CYB5R4: variants seen among roughly 807,000 people sequenced by gnomAD.
CYB5R4 encodes the protein N-terminal cytochrome b5 and cytochrome b5 oxidoreductase domain-containing protein.
Under a neutral mutation model 70.2 loss-of-function variants are expected in CYB5R4, and 55 were observed. The ratio of observed to expected loss-of-function variants is 0.78; its 90% confidence interval spans 0.63 to 0.98. The LOEUF (loss-of-function observed/expected upper bound fraction) is 0.98, where lower values mean the gene tolerates loss of function less well. Among genes scored for constraint, CYB5R4 ranks in the 50% least tolerant of loss-of-function variants. CYB5R4 has a pLI of 0.00. For synonymous variants in CYB5R4, 197 were observed against 199.5 expected, an observed-to-expected ratio of 0.99 and a Z score of 0.11; for missense variants, 562 against 612.6, an observed-to-expected ratio of 0.92 and a Z score of 0.87.
intron 2 of CYB5R4, among the ~76,000 whole-genome samples, chr6:83,889,927 G>A (rs1191341651): frequency 2.0e-5 from 3 of 152,100 alleles, no homozygotes; most frequent in Non-Finnish European, 2.9e-5. Flanking sequence ...CATGAAGACA[G>A]CACCAAGCCA....
chr6:83,954,897 T>C (rs2099472093), intron 14 of CYB5R4, among the ~76,000 whole-genome samples: 1 of 148,752 alleles, frequency 6.7e-6, no homozygotes, highest in South Asian at 2.2e-4. Flanking sequence ...CAGTTTTTTT[T>C]GTTGTTGTTG....
intron 10 of CYB5R4, among the ~76,000 whole-genome samples, chr6:83,926,955 G>C (rs924535820): frequency 2.6e-5 from 4 of 152,128 alleles, no homozygotes; most frequent in Non-Finnish European, 5.9e-5. Context: ...TTGGTTCTTG[G>C]CTTTCTACAC....
chr6:83,860,379 C>T (rs2129126605), intron 1 of CYB5R4, among the ~76,000 whole-genome samples: 1 of 152,206 alleles, frequency 6.6e-6, no homozygotes, highest in Non-Finnish European at 1.5e-5. Flanking sequence ...CCAAGACATA[C>T]TGCCTTTCTT....
At chr6:83,879,934 T>C (rs1268713826) in intron 2 of CYB5R4, among the ~76,000 whole-genome samples, 1 of 152,142 alleles carries the variant, frequency 6.6e-6, no homozygotes, top group Non-Finnish European at 1.5e-5. Context: ...GTGGTTCATC[T>C]CCTCAGAGGG....
chr6:83,902,355 C>A (rs963752482), intron 3 of CYB5R4, among the ~76,000 whole-genome samples: 2 of 152,004 alleles, frequency 1.3e-5, no homozygotes, highest in African/African-American at 4.8e-5. Context: ...TTTCTGGGTT[C>A]TCTGCTCTGT....
intron 1 of CYB5R4, 126 bp downstream of exon 1, chr6:83,859,983 GC>G (rs1371192311): frequency 1.2e-6 from 1 of 860,846 alleles, no homozygotes; most frequent in Non-Finnish European, 1.8e-6. Context: ...TGCTGTCCTT[GC>G]CTGCAACCTC....
intron 3 of CYB5R4, among the ~76,000 whole-genome samples, chr6:83,899,389 G>A (rs538940344): frequency 1.3e-5 from 2 of 152,210 alleles, no homozygotes; most frequent in African/African-American, 2.4e-5. Flanking sequence ...GAGGATTTTT[G>A]CATCAATGTT....
intron 2 of CYB5R4, among the ~76,000 whole-genome samples, chr6:83,883,157 T>G (rs2099459724): frequency 6.6e-6 from 1 of 152,030 alleles, no homozygotes; most frequent in African/African-American, 2.4e-5. Flanking sequence ...TGCAGATAGA[T>G]GAATATAAAT....
At chr6:83,920,759 A>G (rs1016639775) in intron 7 of CYB5R4, among the ~76,000 whole-genome samples, 2 of 151,302 alleles carry the variant, frequency 1.3e-5, no homozygotes, top group Non-Finnish European at 2.9e-5. Context: ...AGGGTTCCAT[A>G]TGGCTTATTC....
rs1407653597 is a variant in CYB5R4, at chr6:83,955,317, C to A, written c.1366C>A (p.Leu456Ile). ...KDKRLDVEFV[L>I]SAPISEWNGK... The stretch of plus-strand genomic sequence containing the variant: ...CCCTAGACTGGATGTTGAATTTGTT[C>A]TCTCAGCACCTATTTCTGAATGGAA... Residue 456 changes from leucine (L) to isoleucine (I), a missense_variant, in exon 15 of 16, where the codon CTC becomes ATC. Transcript: ENST00000369681. 3.7e-6 allele frequency: 6 copies of A among 1,611,672 alleles called. No homozygotes were observed. The highest frequency in any genetic ancestry group is 5.1e-6 in the Non-Finnish European group (6 of 1,178,830).
chr6:83,927,130 T>C (rs2099467418), intron 10 of CYB5R4, among the ~76,000 whole-genome samples: 2 of 152,198 alleles, frequency 1.3e-5, no homozygotes, highest in South Asian at 4.1e-4. Context: ...AAACCCTCTT[T>C]GTTGTTATTT....
chr6:83,939,669 T>C (rs530816831), intron 12 of CYB5R4, among the ~76,000 whole-genome samples: 1 of 152,316 alleles, frequency 6.6e-6, no homozygotes, highest in East Asian at 1.9e-4. Context: ...AAGACAAATA[T>C]ATATGGACTC....
At chr6:83,919,760 C>CTGTG (rs58002492) in intron 7 of CYB5R4, among the ~76,000 whole-genome samples, 4,704 of 142,052 alleles carry the variant, frequency 0.033, 134 homozygotes, top group African/African-American at 0.077. Flanking sequence ...ATGTGTTTTT[C>CTGTG]TGTGTGTGTG....
At chr6:83,892,739 T>C (rs886474868) in intron 2 of CYB5R4, among the ~76,000 whole-genome samples, 3 of 152,180 alleles carry the variant, frequency 2.0e-5, no homozygotes, top group African/African-American at 7.2e-5. Context: ...GCTGAGATGA[T>C]CAGAGACGTG....
chr6:83,917,765 A>G (rs2099465739), intron 5 of CYB5R4, among the ~76,000 whole-genome samples: 2 of 152,060 alleles, frequency 1.3e-5, no homozygotes, highest in African/African-American at 4.8e-5. Flanking sequence ...AATACATGTT[A>G]CTCTTGAGGC....
chr6:83,933,610 A>G (rs2099468477), intron 10 of CYB5R4, among the ~76,000 whole-genome samples: 1 of 152,218 alleles, frequency 6.6e-6, no homozygotes, highest in Non-Finnish European at 1.5e-5. Context: ...AGGAAATAAA[A>G]AGTTAATATC....
chr6:83,910,353 G>C (rs573304105), intron 4 of CYB5R4: 1 of 542,998 alleles, frequency 1.8e-6, no homozygotes, highest in East Asian at 3.2e-5. Flanking sequence ...GACGGTTACT[G>C]GTGGAGAGAG....
rs756729154 is a variant in CYB5R4, at chr6:83,924,567, T to G, written c.789T>G (p.Asn263Lys). Residue 263 changes from asparagine (N) to lysine (K), a missense_variant, in exon 10 of 16, where the codon AAT becomes AAG. By Grantham distance (94) the Asn-to-Lys change is moderately conservative (BLOSUM62 0). Coordinates refer to ENST00000369681, the MANE Select transcript of CYB5R4 (RefSeq NM_016230.4). The stretch of plus-strand genomic sequence containing the variant: ...TTGGCCATCCCCTGAAGAATCATAA[T>G]TCACTTATTCCAAGGAAAGATACAG... Reference protein sequence around the residue: ...DFLGHPLKNHNSLIPRKDTGL... With the variant: ...DFLGHPLKNHKSLIPRKDTGL... 2 of 1,613,534 alleles carry G rather than the reference T, an allele frequency of 1.2e-6. No individual in the cohort carries two copies. The highest frequency in any genetic ancestry group is 4.5e-5 in the East Asian group (2 of 44,794).
rs1054287828 is a variant in CYB5R4, at chr6:83,859,717, C to G, written c.-66C>G. The G allele has an allele frequency of 1.3e-6, 2 of 1,566,256 alleles. No individual in the cohort carries two copies. The highest frequency in any genetic ancestry group is 1.7e-6 in the Non-Finnish European group (2 of 1,144,728). On this transcript the variant is annotated 5_prime_UTR_variant, in exon 1 of 16. Coordinates refer to ENST00000369681, the MANE Select transcript of CYB5R4 (RefSeq NM_016230.4). The stretch of plus-strand genomic sequence containing the variant: ...CTTGGCCTCTGCCCGGCCACAGAGC[C>G]GGAGCTGGAGGTGCTGTCCCGTCTG...
Sources: gnomAD v4.1 joint callset for allele counts (sites outside exome capture counted in the v4.1 genomes callset) on GRCh38, gnomAD v4.1.1 for gene constraint, MANE v1.5 for transcripts, NCBI Gene and HGNC (gene_info 2026-07-23, HGNC 2026-07-21) for gene names.